COL19A1: variants seen among roughly 807,000 people sequenced by gnomAD.
COL19A1 encodes the protein collagen type XIX alpha 1 chain.
COL19A1 carries 159 observed loss-of-function variants against 190.2 expected under a neutral mutation model. That is an observed-to-expected ratio of 0.84 (90% CI 0.73 to 0.95). The LOEUF is 0.95. Ranked by LOEUF, COL19A1 falls within the 40% of genes least tolerant of loss-of-function variation. COL19A1 has a pLI of 0.00. For missense variants in COL19A1, 1,418 were observed against 1,431.9 expected (o/e 0.99, Z 0.16); for synonymous variants, 509 against 458.9 (o/e 1.11, Z -1.39).
At chr6:69,888,414 A>G (rs1769090880) in intron 2 of COL19A1, among the ~76,000 whole-genome samples, 1 of 152,030 alleles carries the variant, frequency 6.6e-6, no homozygotes, top group Non-Finnish European at 1.5e-5. Flanking sequence ...TGGGAAATTA[A>G]CTCTTTCTAG....
chr6:70,185,659 T>C (rs1468332558), intron 46 of COL19A1, among the ~76,000 whole-genome samples: 2 of 152,188 alleles, frequency 1.3e-5, no homozygotes, highest in African/African-American at 4.8e-5. Context: ...TAGAATTAAC[T>C]TCTACTAGAA....
chr6:69,987,572 G>A (rs760085208), intron 11 of COL19A1, among the ~76,000 whole-genome samples: 4 of 152,112 alleles, frequency 2.6e-5, no homozygotes, highest in African/African-American at 9.7e-5. Flanking sequence ...ATATAGAATC[G>A]GCTAGAGGTC....
At chr6:70,081,281 A>G (rs1467982928) in intron 15 of COL19A1, among the ~76,000 whole-genome samples, 1 of 152,142 alleles carries the variant, frequency 6.6e-6, no homozygotes, top group Non-Finnish European at 1.5e-5. Context: ...ACTACTTTCT[A>G]TCTTATTTTC....
At chr6:70,039,490 T>C (rs988833046) in intron 14 of COL19A1, among the ~76,000 whole-genome samples, 21 of 152,278 alleles carry the variant, frequency 1.4e-4, no homozygotes, top group African/African-American at 4.6e-4. Flanking sequence ...AGTCCAACAG[T>C]AATCCTTCTT....
intron 15 of COL19A1, 49 bp from the exon 16 acceptor site, chr6:70,102,117 TAAA>T: frequency 7.3e-7 from 1 of 1,369,144 alleles, no homozygotes. Context: ...TGTTTGATAT[TAAA>T]ATATAATGGA....
intron 13 of COL19A1, among the ~76,000 whole-genome samples, chr6:70,035,007 A>G (rs2150117175): frequency 6.6e-6 from 1 of 152,316 alleles, no homozygotes; most frequent in East Asian, 1.9e-4. Context: ...ATTTTAATTC[A>G]ATTGTTCCAA....
At chr6:69,918,885 T>C (rs1771502537) in intron 4 of COL19A1, among the ~76,000 whole-genome samples, 1 of 152,210 alleles carries the variant, frequency 6.6e-6, no homozygotes, top group Admixed American at 6.5e-5. Context: ...GGAGGGATGT[T>C]CTGACGCAGC....
chr6:69,965,922 C>G (rs183499400), intron 11 of COL19A1, among the ~76,000 whole-genome samples: 1 of 152,234 alleles, frequency 6.6e-6, no homozygotes, highest in East Asian at 1.9e-4. Context: ...TGGCTTCTCT[C>G]TCTATATAGG....
rs1768227679 is a variant in COL19A1, at chr6:70,211,872, A to T, written c.*4598A>T. 6.6e-6 allele frequency among the ~76,000 whole-genome samples: 1 copy of T among 152,132 alleles called. No individual in the cohort carries two copies. Among genetic ancestry groups the T allele is most frequent in the Non-Finnish European group, 1.5e-5 (1 of 68,026 alleles). ...AAAAATTTGTCTGAAAGATAAGACA[A>T]GCTTATAAGACCAAAGCTAAGTCTA... is the stretch of plus-strand genomic sequence containing the variant. On this transcript the variant is annotated 3_prime_UTR_variant, in exon 51 of 51. Transcript: ENST00000620364.
At chr6:70,046,266 A>G (rs1034517970) in intron 14 of COL19A1, among the ~76,000 whole-genome samples, 6 of 152,140 alleles carry the variant, frequency 3.9e-5, no homozygotes, top group African/African-American at 9.7e-5. Context: ...TAGCCAATTA[A>G]TGGTCTCCCT....
At chr6:69,958,469 T>C (rs1181785951) in intron 9 of COL19A1, among the ~76,000 whole-genome samples, 2 of 152,230 alleles carry the variant, frequency 1.3e-5, no homozygotes, top group Non-Finnish European at 2.9e-5. Context: ...GTTTTCACTA[T>C]CACTTTATCA....
intron 48 of COL19A1, among the ~76,000 whole-genome samples, chr6:70,199,229 C>A (rs950516441): frequency 3.3e-5 from 5 of 152,182 alleles, no homozygotes; most frequent in African/African-American, 1.2e-4. Flanking sequence ...ACCACACATA[C>A]GTTCACAACA....
At position 70,188,261 on chromosome 6, in the gene COL19A1, A is replaced by G. The variant is rs745969588; in HGVS notation, c.3027+16A>G. 1.3e-6 allele frequency: 2 copies of G among 1,593,864 alleles called. No homozygotes were observed. Among genetic ancestry groups the G allele is most frequent in the Admixed American group, 1.8e-5 (1 of 55,572 alleles). On this transcript the variant is annotated intron_variant, in intron 47 of 50. Transcript: ENST00000620364. Reference sequence around the variant, plus strand: ...TGGCATTCCGGTAAGTAGTGCTAAGACGCTTTAGGGCTCCTGGCTTGTACC... The same window carrying G: ...TGGCATTCCGGTAAGTAGTGCTAAGGCGCTTTAGGGCTCCTGGCTTGTACC...
chr6:70,020,593 CAT>C (rs1187820526), intron 11 of COL19A1, among the ~76,000 whole-genome samples: 1 of 152,086 alleles, frequency 6.6e-6, no homozygotes, highest in Non-Finnish European at 1.5e-5. Context: ...AAATCTGTTA[CAT>C]ATATATTCAT....
chr6:70,156,429 A>G lies in COL19A1; in HGVS notation c.2238+60A>G, dbSNP rs1787444478. The G allele has an allele frequency of 3.3e-6, 5 of 1,519,776 alleles. No homozygotes were observed. The East Asian group carries it at 1.1e-4, about 34-fold the overall frequency. The allele number at this position is 1,519,776 out of a possible 1,614,324, so 94.1% of individuals were successfully genotyped here. A position where few individuals can be genotyped will look rare whatever the true frequency, so the allele number is the denominator to read the frequency against. Reference sequence around the variant, plus strand: ...AACCTCAATTTAGTATGAAAAAAAGAACCCGATTTGAAAATAGACAACTTT... The same window carrying G: ...AACCTCAATTTAGTATGAAAAAAAGGACCCGATTTGAAAATAGACAACTTT... On this transcript the variant is annotated intron_variant, in intron 33 of 50. Coordinates refer to ENST00000620364, the MANE Select transcript of COL19A1 (RefSeq NM_001858.6).
intron 12 of COL19A1, 110 bp downstream of exon 12, chr6:70,023,790 C>A: frequency 1.1e-6 from 1 of 906,606 alleles, no homozygotes; most frequent in Non-Finnish European, 1.6e-6. Flanking sequence ...AGCCATGATC[C>A]AACAAAATTA....
intron 11 of COL19A1, among the ~76,000 whole-genome samples, chr6:69,978,654 GAAAATATGCTTTTATCTTATATAATAATA>G (rs2150062881): frequency 6.6e-6 from 1 of 151,474 alleles, no homozygotes; most frequent in South Asian, 2.1e-4. Flanking sequence ...TAAAAATAAT[GAAAATATGCTTTTATCTTATATAATAATA>G]ATAAATAGCC....
intron 2 of COL19A1, among the ~76,000 whole-genome samples, chr6:69,881,275 T>C (rs577217627): frequency 1.3e-5 from 2 of 152,332 alleles, no homozygotes; most frequent in African/African-American, 4.8e-5. Context: ...TTCTTTTTTC[T>C]TTTCACCTGG....
At chr6:70,141,805 A>T in intron 20 of COL19A1, 88 bp from the exon 21 acceptor site, 1 of 850,644 alleles carries the variant, frequency 1.2e-6, no homozygotes, top group Non-Finnish European at 1.9e-6. Context: ...ATTGTATGTT[A>T]ATTAGTAGAA....
Sources: gnomAD v4.1 joint callset for allele counts (sites outside exome capture counted in the v4.1 genomes callset) on GRCh38, gnomAD v4.1.1 for gene constraint, MANE v1.5 for transcripts, NCBI Gene and HGNC (gene_info 2026-07-23, HGNC 2026-07-21) for gene names.